Variants in CMIP observed in about 807,000 individuals in gnomAD.
The protein encoded by CMIP is C-Maf-inducing protein.
CMIP carries 13 observed loss-of-function variants against 97.3 expected under a neutral mutation model. The observed-to-expected ratio is 0.13, with a 90% CI of 0.09 to 0.21. The LOEUF (loss-of-function observed/expected upper bound fraction) is 0.21, where lower values mean the gene tolerates loss of function less well. Ranked by LOEUF, CMIP falls within the 10% of genes least tolerant of loss-of-function variation. CMIP has a pLI of 1.00. For missense variants in CMIP, 847 were observed against 1,024.9 expected (o/e 0.83, Z 2.37); for synonymous variants, 538 against 436.3 (o/e 1.23, Z -2.91).
chr16:81,520,003 C>T (rs7203078), intron 1 of CMIP: 2,830 of 152,690 alleles, frequency 0.019, 39 homozygotes, highest in Middle Eastern at 0.043. Context: ...GCTGTCATTA[C>T]GCTGGCTTTG....
intron 3 of CMIP, chr16:81,645,615 G>T: frequency 6.5e-7 from 1 of 1,535,778 alleles, no homozygotes; most frequent in Non-Finnish European, 8.7e-7. Flanking sequence ...TCCCTTCCTT[G>T]ACAAGCAGAG....
In CMIP at chr16:81,640,770, G is replaced by GTGTGTGTGTGTCTC. The variant is rs376370488; in HGVS notation, c.478-11432_478-11431insGTGTGTGTGTCTCT. Among the ~76,000 whole-genome samples, 686 of 135,680 alleles carry GTGTGTGTGTGTCTC rather than the reference G, an allele frequency of 5.1e-3. 8 individuals are homozygous for GTGTGTGTGTGTCTC. The highest frequency in any genetic ancestry group is 0.041 in the South Asian group (172 of 4,182). The allele number at this position is 135,680 out of a possible 152,430, so 89.0% of individuals were successfully genotyped here. A position where few individuals can be genotyped will look rare whatever the true frequency, so the allele number is the denominator to read the frequency against. ...TGTGTGTGTGTGTGTGTGTGTGTGT[G>GTGTGTGTGTGTCTC]TCTCTCTCTCTCTCCACATGGCCTT... On this transcript the variant is annotated intron_variant, in intron 3 of 20. Transcript: ENST00000537098.
intron 13 of CMIP, 121 bp downstream of exon 13, chr16:81,693,608 C>T (rs1906362754): frequency 9.2e-7 from 1 of 1,087,008 alleles, no homozygotes; most frequent in Non-Finnish European, 1.3e-6. Context: ...TTCAGAGACC[C>T]ATTGCCTGTG....
At chr16:81,530,498 C>T (rs769052988) in intron 1 of CMIP, among the ~76,000 whole-genome samples, 3 of 151,914 alleles carry the variant, frequency 2.0e-5, no homozygotes, top group Non-Finnish European at 2.9e-5. Context: ...CGGTGTAGCC[C>T]GTCTGAGTCA....
Position 81,678,636 on chromosome 16 carries a change from C to CCG in CMIP, c.1388+9_1388+10insGC, listed in dbSNP as rs1555549285. The stretch of plus-strand genomic sequence containing the variant: ...GGAAATCCTCAAGCTGCTGTGAGTG[C>CCG]CCCCCCCGCGTGCCCGCCCCCGGGG... On this transcript the variant is annotated intron_variant, in intron 10 of 20. Coordinates refer to ENST00000537098, the MANE Select transcript of CMIP (RefSeq NM_198390.3). 3 of 1,315,100 alleles carry CCG rather than the reference C, an allele frequency of 2.3e-6. No homozygotes were observed. Among genetic ancestry groups the CCG allele is most frequent in the Non-Finnish European group, 3.1e-6 (3 of 967,612 alleles). The allele number at this position is 1,315,100 out of a possible 1,614,324, so 81.5% of individuals were successfully genotyped here. A position where few individuals can be genotyped will look rare whatever the true frequency, so the allele number is the denominator to read the frequency against.
chr16:81,600,019 G>A (rs142958919), intron 1 of CMIP, among the ~76,000 whole-genome samples: 95 of 152,044 alleles, frequency 6.2e-4, no homozygotes, highest in African/African-American at 2.1e-3. Context: ...GGTGGCTCAC[G>A]CCTGTAATCC....
At chr16:81,640,742 GTGTGT>G (rs1339293182) in intron 3 of CMIP, among the ~76,000 whole-genome samples, 97 of 118,156 alleles carry the variant, frequency 8.2e-4, no homozygotes, top group African/African-American at 3.7e-3. Context: ...TGGAGCATGT[GTGTGT>G]GTGTGTGTGT....
At chr16:81,528,253 C>T (rs950438318) in intron 1 of CMIP, among the ~76,000 whole-genome samples, 2 of 152,032 alleles carry the variant, frequency 1.3e-5, no homozygotes, top group Non-Finnish European at 2.9e-5. Flanking sequence ...TTGAAATTGG[C>T]GCTTGTCTGG....
At chr16:81,608,459 A>G (rs2091779653) in intron 2 of CMIP, among the ~76,000 whole-genome samples, 1 of 152,178 alleles carries the variant, frequency 6.6e-6, no homozygotes, top group Non-Finnish European at 1.5e-5. Flanking sequence ...CCACATCCTT[A>G]GAGGCTGTAA....
intron 1 of CMIP, among the ~76,000 whole-genome samples, chr16:81,524,702 G>A (rs1182953753): frequency 6.6e-6 from 1 of 152,244 alleles, no homozygotes; most frequent in Non-Finnish European, 1.5e-5. Flanking sequence ...GCCACCCAGC[G>A]ACTCAGCTGT....
chr16:81,613,478 T>C (rs1305973532), intron 2 of CMIP, among the ~76,000 whole-genome samples: 2 of 152,190 alleles, frequency 1.3e-5, no homozygotes, highest in Non-Finnish European at 2.9e-5. Context: ...TACCACATTC[T>C]AGCTGTGGAA....
At chr16:81,692,589 GC>G (rs1906220433) in intron 11 of CMIP, among the ~76,000 whole-genome samples, 1 of 152,200 alleles carries the variant, frequency 6.6e-6, no homozygotes, top group Admixed American at 6.5e-5. Context: ...CACATTACAC[GC>G]AGTAATTGCC....
intron 3 of CMIP, among the ~76,000 whole-genome samples, chr16:81,648,590 C>T (rs1276952732): frequency 6.6e-6 from 1 of 151,884 alleles, no homozygotes; most frequent in Non-Finnish European, 1.5e-5. Context: ...TCAAGACCAG[C>T]CTGGCCAACA....
chr16:81,607,929 G>A (rs923726981), intron 2 of CMIP, among the ~76,000 whole-genome samples: 1 of 152,164 alleles, frequency 6.6e-6, no homozygotes, highest in African/African-American at 2.4e-5. Context: ...AACTTTTCAG[G>A]TTGCTCATTT....
chr16:81,609,751 G>C (rs1249551658), intron 2 of CMIP, among the ~76,000 whole-genome samples: 1 of 152,168 alleles, frequency 6.6e-6, no homozygotes, highest in Non-Finnish European at 1.5e-5. Context: ...CGGGCAGAGG[G>C]GATGTGTGTG....
chr16:81,667,789 A>AGT (rs2092621740), intron 7 of CMIP, among the ~76,000 whole-genome samples: 9 of 109,468 alleles, frequency 8.2e-5, no homozygotes, highest in Non-Finnish European at 1.5e-4. Flanking sequence ...AGAGAGAGAG[A>AGT]GAGAGAGAGA....
At position 81,693,305 on chromosome 16, in the gene CMIP, A is replaced by G. The variant is rs1906317900; in HGVS notation, c.1481+121A>G. 4 of 1,403,042 alleles carry G rather than the reference A, an allele frequency of 2.9e-6. No homozygotes were observed. The South Asian group carries it at 4.9e-5, about 17-fold the overall frequency. 86.9% of individuals were successfully genotyped at this position (1,403,042 alleles called of 1,614,324 possible). ...GTGGCTCCTCTTGGCAGTTCTCTTG[A>G]GACACGTGTCCCTGATCCACCGCCT... On this transcript the variant is annotated intron_variant, in intron 12 of 20. Transcript: ENST00000537098.
At chr16:81,662,466 C>G (rs1032905061) in intron 6 of CMIP, among the ~76,000 whole-genome samples, 3 of 152,192 alleles carry the variant, frequency 2.0e-5, no homozygotes, top group Non-Finnish European at 4.4e-5. Context: ...AGAGGGCCGT[C>G]TGCCTTTTGG....
chr16:81,510,926 G>A (rs1157749782), intron 1 of CMIP, among the ~76,000 whole-genome samples: 1 of 152,120 alleles, frequency 6.6e-6, no homozygotes, highest in Non-Finnish European at 1.5e-5. Context: ...CACCATATTG[G>A]TCAGTCTGGT....
Sources: gnomAD v4.1 joint callset for allele counts (sites outside exome capture counted in the v4.1 genomes callset) on GRCh38, gnomAD v4.1.1 for gene constraint, MANE v1.5 for transcripts, NCBI Gene and HGNC (gene_info 2026-07-23, HGNC 2026-07-21) for gene names.